The following HYDIN variants were observed in gnomAD, a reference collection of about 807,000 sequenced individuals.
The protein encoded by HYDIN is axonemal central pair apparatus protein HYDIN.
In HYDIN, 132 loss-of-function variants were observed where a neutral mutation model predicts 403.9. The observed-to-expected ratio is 0.33, with a 90% confidence interval of 0.28 to 0.38. The LOEUF (loss-of-function observed/expected upper bound fraction) is 0.38, where lower values mean the gene tolerates loss of function less well. Among genes scored for constraint, HYDIN ranks in the 10% least tolerant of loss-of-function variants. The pLI is 1.00. For synonymous variants in HYDIN, 1,202 were observed against 1,891.7 expected (o/e 0.64, Z 9.46); for missense variants, 2,827 against 5,009.5 (o/e 0.56, Z 13.15).
rs199925879 is a variant in HYDIN, at chr16:70,850,029, A to G, written c.12652-82T>C. On this transcript the variant is annotated intron_variant, in intron 74 of 85. Coordinates refer to ENST00000393567, the MANE Select transcript of HYDIN (RefSeq NM_001270974.2). ...AGCATTTGTAACATGTTGATGAAAA[A>G]TATCCTTTGGGAAATAAGGATGGCA... The G allele has an allele frequency of 1.7e-5, 10 of 597,622 alleles. No homozygotes were observed. In the East Asian group the frequency reaches 2.5e-4, roughly 15 times the overall value. 37.0% of individuals were successfully genotyped at this position (597,622 alleles called of 1,614,324 possible).
Position 70,829,600 on chromosome 16 carries a change from G to T in HYDIN, c.14112+18C>A, listed in dbSNP as rs188915433. 1,371 of 1,603,460 alleles carry T rather than the reference G, an allele frequency of 8.6e-4. 8 individuals are homozygous for T. The African/African-American group carries it at 0.011, about 13-fold the overall frequency. On this transcript the variant is annotated intron_variant, in intron 81 of 85. Coordinates refer to ENST00000393567, the MANE Select transcript of HYDIN (RefSeq NM_001270974.2). ...ACTATGCCAGGAAACCAATGGGGGT[G>T]GGGGGACCTCAGTCTACCTGGTGCT... is the stretch of plus-strand genomic sequence containing the variant.
chr16:71,213,443 G>A (rs551143299), intron 1 of HYDIN, among the ~76,000 whole-genome samples: 9 of 152,244 alleles, frequency 5.9e-5, no homozygotes, highest in African/African-American at 1.7e-4. Flanking sequence ...CTAATGTCCA[G>A]GAGAAATAGG....
At chr16:70,880,978 C>G (rs1774327) in intron 60 of HYDIN, among the ~76,000 whole-genome samples, 4 of 148,890 alleles carry the variant, frequency 2.7e-5, no homozygotes, top group African/African-American at 7.6e-5. Flanking sequence ...GTAATCCTAG[C>G]ACTTTGGGAG....
chr16:70,943,789 C>T (rs569446601), intron 42 of HYDIN, 23 bp downstream of exon 42: 25 of 1,608,062 alleles, frequency 1.6e-5, no homozygotes, highest in Admixed American at 1.5e-4. Flanking sequence ...CCCTGCAGCT[C>T]TGTGCAGGTG....
At chr16:71,188,062 T>C (rs1455895833) in intron 1 of HYDIN, among the ~76,000 whole-genome samples, 2 of 152,224 alleles carry the variant, frequency 1.3e-5, no homozygotes, top group Admixed American at 1.3e-4. Flanking sequence ...GAACTATTAT[T>C]ATAGCCCCAC....
At position 70,879,412 on chromosome 16, in the gene HYDIN, C is replaced by T. The variant is rs377439344; in HGVS notation, c.10442G>A (p.Arg3481Gln). Residue 3481 changes from arginine (R) to glutamine (Q), a missense_variant, in exon 62 of 86, where the codon CGG (arginine) becomes CAG (glutamine). Physicochemically the swap from Arg to Gln is conservative, Grantham distance 43. Coordinates refer to ENST00000393567, the MANE Select transcript of HYDIN (RefSeq NM_001270974.2). Reference protein sequence around the residue: ...EGNLPRVTVVRPVLHNQYGNP... With the variant: ...EGNLPRVTVVQPVLHNQYGNP... Reference sequence around the variant, plus strand: ...TCCATATTGGTTATGAAGAACTGGCCGCACAACCGTCACTCGAGGGAGGTT... The same window carrying T: ...TCCATATTGGTTATGAAGAACTGGCTGCACAACCGTCACTCGAGGGAGGTT... 44 of 1,601,038 alleles carry T rather than the reference C, an allele frequency of 2.7e-5. No homozygotes were observed. Among genetic ancestry groups the T allele is most frequent in the African/African-American group, 5.4e-5 (4 of 74,262 alleles).
At chr16:71,042,319 C>T (rs2081309521) in intron 18 of HYDIN, among the ~76,000 whole-genome samples, 1 of 152,148 alleles carries the variant, frequency 6.6e-6, no homozygotes, top group Non-Finnish European at 1.5e-5. Flanking sequence ...ACTGTCAGTT[C>T]TTTTAGCCTT....
chr16:71,179,364 G>A (rs2086810718), intron 3 of HYDIN, among the ~76,000 whole-genome samples: 1 of 149,220 alleles, frequency 6.7e-6, no homozygotes, highest in African/African-American at 2.5e-5. Context: ...AACCTCTGCA[G>A]GCATAGTATT....
chr16:71,224,910 G>A (rs74025908), intron 1 of HYDIN, among the ~76,000 whole-genome samples: 7,382 of 152,202 alleles, frequency 0.049, 608 homozygotes, highest in African/African-American at 0.17. Flanking sequence ...TTTCAGAAGG[G>A]AAATGGCCTC....
At chr16:70,843,151 T>C (rs9745547) in intron 75 of HYDIN, among the ~76,000 whole-genome samples, 26,932 of 139,984 alleles carry the variant, frequency 0.19, 4,695 homozygotes, top group African/African-American at 0.49. Context: ...ACTAACTCGT[T>C]ATCTAGCATT....
At chr16:71,156,515 T>C (rs1484853898) in intron 6 of HYDIN, among the ~76,000 whole-genome samples, 2 of 152,220 alleles carry the variant, frequency 1.3e-5, no homozygotes, top group African/African-American at 4.8e-5. Flanking sequence ...GTTCAGTCTA[T>C]CAAAATATTT....
At chr16:71,201,688 G>A (rs146287449) in intron 1 of HYDIN, among the ~76,000 whole-genome samples, 2 of 152,348 alleles carry the variant, frequency 1.3e-5, no homozygotes, top group African/African-American at 2.4e-5. Context: ...GCCCCTAGGA[G>A]GGGAGAGGCT....
chr16:71,228,501 A>G (rs1242568221), intron 1 of HYDIN, among the ~76,000 whole-genome samples: 1 of 152,262 alleles, frequency 6.6e-6, no homozygotes, highest in African/African-American at 2.4e-5. Flanking sequence ...GGCAAAGGAT[A>G]TGAACAGACA....
chr16:70,892,288 A>C (rs2041513192), intron 56 of HYDIN, 73 bp downstream of exon 56: 2 of 1,538,764 alleles, frequency 1.3e-6, no homozygotes, highest in African/African-American at 2.8e-5. Flanking sequence ...GGATTAGGTC[A>C]TGTATCCTTC....
rs1489188310 is a variant in HYDIN at position 70,809,818 on chromosome 16, T to C, written c.14848A>G (p.Asn4950Asp). Residue 4950 changes from asparagine to aspartate, a missense_variant, in exon 85 of 86, where the codon AAT becomes GAT. By Grantham distance (23) the Asn-to-Asp change is conservative (BLOSUM62 1). Coordinates refer to ENST00000393567, the MANE Select transcript of HYDIN (RefSeq NM_001270974.2). ...SSQIILVKFI[N>D]YTRQRTEYYC... ...TATTCTGTCCTCTGCCGTGTGTAAT[T>C]GATGAACTTCACAAGGATGATTTGG... 12 of 1,614,052 alleles carry C rather than the reference T, an allele frequency of 7.4e-6. No individual in the cohort carries two copies. Among genetic ancestry groups the C allele is most frequent in the Non-Finnish European group, 1.0e-5 (12 of 1,180,026 alleles).
In HYDIN at chr16:71,207,325, C is replaced by T. The variant is rs551186460; in HGVS notation, c.-23-20407G>A. Among the ~76,000 whole-genome samples the T allele has an allele frequency of 3.3e-5, 5 of 152,266 alleles. No homozygotes were observed. In the South Asian group the frequency reaches 6.2e-4, roughly 19 times the overall value. ...ACCAAAAATTTCATATCTGCTCAAA[C>T]TAAACTTCATAAGCAAAGGAGAAAT... On this transcript the variant is annotated intron_variant, in intron 1 of 85. Transcript: ENST00000393567.
intron 50 of HYDIN, among the ~76,000 whole-genome samples, chr16:70,904,414 G>A (rs2076471299): frequency 8.3e-6 from 1 of 120,318 alleles, no homozygotes; most frequent in South Asian, 3.4e-4. Context: ...AAAGAATCCT[G>A]AGAAATATGT....
At chr16:71,204,681 T>C (rs1392427781) in intron 1 of HYDIN, among the ~76,000 whole-genome samples, 1 of 149,512 alleles carries the variant, frequency 6.7e-6, no homozygotes, top group African/African-American at 2.4e-5. Context: ...GTCTGGCATA[T>C]AACAGGGCCA....
intron 36 of HYDIN, among the ~76,000 whole-genome samples, chr16:70,965,769 A>G (rs2078554446): frequency 6.6e-6 from 1 of 151,824 alleles, no homozygotes; most frequent in Non-Finnish European, 1.5e-5. Flanking sequence ...CATGTAAAAT[A>G]AGATCCATGT....
Sources: gnomAD v4.1 joint callset for allele counts (sites outside exome capture counted in the v4.1 genomes callset) on GRCh38, gnomAD v4.1.1 for gene constraint, MANE v1.5 for transcripts, NCBI Gene and HGNC (gene_info 2026-07-23, HGNC 2026-07-21) for gene names.